IMMP2L: variants seen among roughly 807,000 people sequenced by gnomAD.
IMMP2L encodes inner mitochondrial membrane peptidase subunit 2.
A neutral mutation model predicts 19.3 loss-of-function variants in IMMP2L; 18 were observed. That is an observed-to-expected ratio of 0.93 (90% confidence interval 0.64 to 1.38). The LOEUF is 1.38. IMMP2L is among the 40% of genes most tolerant of loss of function. The pLI is 0.00. For synonymous variants in IMMP2L, 76 were observed against 73.0 expected, an observed-to-expected ratio of 1.04 and a Z score of -0.21; for missense variants, 233 against 218.2, an observed-to-expected ratio of 1.07 and a Z score of -0.43.
At position 111,536,655 on chromosome 7, in the gene IMMP2L, T is replaced by G. The variant is rs180898982; in HGVS notation, c.-2-15206A>C. 3.3e-5 allele frequency among the ~76,000 whole-genome samples: 5 copies of G among 152,262 alleles called. No individual in the cohort carries two copies. In the East Asian group the frequency reaches 9.6e-4, roughly 29 times the overall value. ...CCCCTTTATGATCATTCTCAGAAATTTGTTAGAAAAGAAGTTCCCTTGCAC... is the reference window on the plus strand; with the variant it reads ...CCCCTTTATGATCATTCTCAGAAATGTGTTAGAAAAGAAGTTCCCTTGCAC... On this transcript the variant is annotated intron_variant, in intron 1 of 5. Transcript: ENST00000405709.
chr7:111,408,441 A>G (rs907285425), intron 3 of IMMP2L, among the ~76,000 whole-genome samples: 3 of 151,716 alleles, frequency 2.0e-5, no homozygotes, highest in African/African-American at 7.3e-5. Flanking sequence ...ATACAACTTT[A>G]TTCTGCAACA....
At chr7:111,210,477 A>G (rs1811188901) in intron 3 of IMMP2L, among the ~76,000 whole-genome samples, 1 of 152,182 alleles carries the variant, frequency 6.6e-6, no homozygotes, top group Admixed American at 6.5e-5. Context: ...TTATTCTTAG[A>G]AAACTCTAAG....
intron 3 of IMMP2L, among the ~76,000 whole-genome samples, chr7:111,081,509 G>A (rs898718692): frequency 1.3e-5 from 2 of 152,208 alleles, no homozygotes; most frequent in African/African-American, 4.8e-5. Context: ...TGCACAGAGG[G>A]AGTGTCCTTA....
intron 2 of IMMP2L, among the ~76,000 whole-genome samples, chr7:111,497,121 G>C (rs1843668849): frequency 6.6e-6 from 1 of 152,056 alleles, no homozygotes; most frequent in Admixed American, 6.6e-5. Context: ...TTAACTGCAT[G>C]TTCTACTATA....
intron 5 of IMMP2L, among the ~76,000 whole-genome samples, chr7:110,813,965 G>A (rs182450446): frequency 3.9e-5 from 6 of 152,018 alleles, no homozygotes; most frequent in Admixed American, 2.6e-4. Context: ...GGACAGAAAC[G>A]TATTTTCCAT....
intron 3 of IMMP2L, among the ~76,000 whole-genome samples, chr7:111,187,819 T>A (rs76405722): frequency 6.6e-6 from 1 of 152,132 alleles, no homozygotes; most frequent in African/African-American, 2.4e-5. Flanking sequence ...AAATCACTTA[T>A]GTATTAATTG....
intron 3 of IMMP2L, among the ~76,000 whole-genome samples, chr7:111,066,482 A>G (rs1794512453): frequency 6.6e-6 from 1 of 152,252 alleles, no homozygotes; most frequent in Admixed American, 6.5e-5. Context: ...GAGATGGATG[A>G]AAGAAATTGC....
At chr7:110,827,069 G>T (rs1584951472) in intron 5 of IMMP2L, among the ~76,000 whole-genome samples, 1 of 152,064 alleles carries the variant, frequency 6.6e-6, no homozygotes, top group South Asian at 2.1e-4. Flanking sequence ...AGTATTGACA[G>T]AGTAAAAATG....
At chr7:111,480,141 T>A (rs1295262946) in intron 3 of IMMP2L, among the ~76,000 whole-genome samples, 1 of 151,466 alleles carries the variant, frequency 6.6e-6, no homozygotes. Context: ...TGGAGTGCAG[T>A]GGCGCAATCT....
At chr7:111,044,513 A>C (rs1395361365) in intron 3 of IMMP2L, among the ~76,000 whole-genome samples, 1 of 152,218 alleles carries the variant, frequency 6.6e-6, no homozygotes, top group Non-Finnish European at 1.5e-5. Flanking sequence ...GTGAGCCGAG[A>C]TTGCACCACT....
intron 4 of IMMP2L, among the ~76,000 whole-genome samples, chr7:110,941,559 A>C (rs12705748): frequency 0.25 from 38,743 of 152,046 alleles, 6,325 homozygotes; most frequent in East Asian, 0.61. Context: ...TTAGAGAATA[A>C]TGCAGGATAT....
intron 3 of IMMP2L, among the ~76,000 whole-genome samples, chr7:111,208,193 A>G (rs1810930255): frequency 6.6e-6 from 1 of 152,218 alleles, no homozygotes. Context: ...CATTTTGACC[A>G]TATCCAATAT....
intron 3 of IMMP2L, among the ~76,000 whole-genome samples, chr7:111,443,682 G>C (rs1837979827): frequency 6.6e-6 from 1 of 152,058 alleles, no homozygotes; most frequent in Admixed American, 6.6e-5. Flanking sequence ...ACACTGAAAA[G>C]GTGCAATTAT....
At chr7:110,893,518 T>C (rs1365832763) in intron 4 of IMMP2L, among the ~76,000 whole-genome samples, 5 of 152,232 alleles carry the variant, frequency 3.3e-5, no homozygotes, top group Non-Finnish European at 7.3e-5. Context: ...CCAGAATTTG[T>C]CAAACAATAG....
intron 5 of IMMP2L, among the ~76,000 whole-genome samples, chr7:110,882,291 T>G (rs7801500): frequency 0.02 from 1,145 of 57,948 alleles, 9 homozygotes; most frequent in African/African-American, 0.043. Context: ...TCAAGTGCCT[T>G]CCTTCCTTCC....
intron 3 of IMMP2L, among the ~76,000 whole-genome samples, chr7:111,436,645 T>G (rs1425781074): frequency 6.6e-6 from 1 of 151,920 alleles, no homozygotes; most frequent in Non-Finnish European, 1.5e-5. Context: ...ATTATACTTG[T>G]AATACTGTCA....
At position 110,699,385 on chromosome 7, in the gene IMMP2L, A is replaced by G. The variant is rs150309691; in HGVS notation, c.409-35664T>C. On this transcript the variant is annotated intron_variant, in intron 5 of 5. Coordinates refer to ENST00000405709, the MANE Select transcript of IMMP2L (RefSeq NM_032549.4). Reference sequence around the variant, plus strand: ...TCGGTGTGGTTGAAGGAATTCTGAGATGGTCCCTGTGATTTCCACCCACTG... The same window carrying G: ...TCGGTGTGGTTGAAGGAATTCTGAGGTGGTCCCTGTGATTTCCACCCACTG... Among the ~76,000 whole-genome samples the G allele has an allele frequency of 7.2e-3, 1,102 of 152,304 alleles. 8 individuals carry two copies. Among genetic ancestry groups the G allele is most frequent in the Non-Finnish European group, 0.011 (770 of 68,018 alleles).
chr7:111,277,017 G>C (rs1819145086), intron 3 of IMMP2L, among the ~76,000 whole-genome samples: 1 of 152,044 alleles, frequency 6.6e-6, no homozygotes, highest in Non-Finnish European at 1.5e-5. Flanking sequence ...AATCCTAGAA[G>C]AAAACTTGGG....
chr7:110,769,521 G>A (rs992953197), intron 5 of IMMP2L, among the ~76,000 whole-genome samples: 3 of 152,108 alleles, frequency 2.0e-5, no homozygotes, highest in Admixed American at 1.3e-4. Flanking sequence ...ATAATACGCA[G>A]AGAAGAGAGG....
Sources: gnomAD v4.1 joint callset for allele counts (sites outside exome capture counted in the v4.1 genomes callset) on GRCh38, gnomAD v4.1.1 for gene constraint, MANE v1.5 for transcripts, NCBI Gene and HGNC (gene_info 2026-07-23, HGNC 2026-07-21) for gene names.